HTR6: variants seen among roughly 807,000 people sequenced by gnomAD.
HTR6 encodes the protein 5-hydroxytryptamine receptor 6, also known as 5-hydroxytryptamine (serotonin) receptor 6, G protein-coupled.
HTR6 carries 15 observed loss-of-function variants against 17.4 expected under a neutral mutation model. That is an observed-to-expected ratio of 0.86 (90% CI 0.58 to 1.33). HTR6 has a LOEUF of 1.33. HTR6 is among the 40% of genes most tolerant of loss of function. The pLI, the probability that HTR6 is intolerant of heterozygous loss-of-function variation, is 0.00. For missense variants in HTR6, 578 were observed against 616.0 expected (o/e 0.94, Z 0.65); for synonymous variants, 326 against 295.5 (o/e 1.10, Z -1.06).
Position 19,666,355 on chromosome 1 carries a change from CG to C in HTR6, c.605del (p.Gly202ValfsTer12). On this transcript the variant is annotated frameshift_variant, in exon 1 of 3. Coordinates refer to ENST00000289753, the MANE Select transcript of HTR6 (RefSeq NM_000871.3). LOFTEE classifies it high-confidence loss of function. This position sits in a 1 kb window ranked among gnomAD's most constrained non-coding sequence, Gnocchi z 4.5. ...TCGGGCCTCACCTTCTTCCTGCCCT[CG>C]GGTGCCATATGCTTCACCTACTGCA... is the stretch of plus-strand genomic sequence containing the variant. The part of the protein sequence containing the change: ...VASGLTFFLP[S>X]GAICFTYCRI... 2.5e-6 allele frequency: 4 copies of C among 1,613,858 alleles called. No individual in the cohort carries two copies. The Admixed American group carries it at 6.7e-5, about 27-fold the overall frequency.
rs529213055 is a variant in HTR6 at position 19,666,443 on chromosome 1, C to T, written c.690C>T (p.Ala230=). The change falls in exon 1 of 3, where the codon GCC becomes GCT. Residue 230 remains alanine (A), a synonymous_variant. Coordinates refer to ENST00000289753, the MANE Select transcript of HTR6 (RefSeq NM_000871.3). The surrounding 1 kb of genome is among the most constrained non-coding windows in gnomAD (Gnocchi z 4.5). ...TGGCCTCCCTCACCACCGGCATGGC[C>T]AGTCAGGCCTCGGAGACGCTGCAGG... is the stretch of plus-strand genomic sequence containing the variant. The part of the protein sequence containing the change: ...VQVASLTTGM[A]SQASETLQVP... 8.1e-5 allele frequency: 130 copies of T among 1,611,080 alleles called. 1 individual carries two copies. The South Asian group carries it at 1.4e-3, about 17-fold the overall frequency.
chr1:19,669,247 G>C (rs2095085016), intron 1 of HTR6, among the ~76,000 whole-genome samples: 1 of 152,258 alleles, frequency 6.6e-6, no homozygotes, highest in South Asian at 2.1e-4. Flanking sequence ...TCGCTGGCTG[G>C]TACTAGGATT....
In HTR6 at chr1:19,673,654, C is replaced by T. The variant is rs755233194; in HGVS notation, c.715-4913C>T. 3.3e-5 allele frequency among the ~76,000 whole-genome samples: 5 copies of T among 152,100 alleles called. No homozygotes were observed. The South Asian group carries it at 6.2e-4, about 19-fold the overall frequency. ...CAGAGGTTGTGGTGAGCCGAGATCGCGCCATTGCACTCCAGCCTGGGCAAC... is the reference window on the plus strand; with the variant it reads ...CAGAGGTTGTGGTGAGCCGAGATCGTGCCATTGCACTCCAGCCTGGGCAAC... On this transcript the variant is annotated intron_variant, in intron 1 of 2. Transcript: ENST00000289753.
In HTR6 at chr1:19,671,373, C is replaced by T. The variant is rs144497213; in HGVS notation, c.714+4906C>T. Among the ~76,000 whole-genome samples the T allele has an allele frequency of 1.3e-3, 198 of 152,282 alleles. 1 individual carries two copies. The highest frequency in any genetic ancestry group is 4.6e-3 in the African/African-American group (192 of 41,554). On this transcript the variant is annotated intron_variant, in intron 1 of 2. Transcript: ENST00000289753. ...GGAAAGCCCATTCTCTTGGTTTGAA[C>T]GTGACGTGTGCAAATTCTGCCTCTG... is the stretch of plus-strand genomic sequence containing the variant.
chr1:19,671,998 G>T (rs1345836356), intron 1 of HTR6, among the ~76,000 whole-genome samples: 1 of 152,030 alleles, frequency 6.6e-6, no homozygotes, highest in Non-Finnish European at 1.5e-5. Context: ...TGGGAGCAGG[G>T]TGGAAGGTGG....
In HTR6 at chr1:19,666,106, G is replaced by A. The variant is rs757785519; in HGVS notation, c.353G>A (p.Cys118Tyr). The A allele has an allele frequency of 7.4e-6, 12 of 1,612,448 alleles. No individual in the cohort carries two copies. In the East Asian group the frequency reaches 2.2e-4, roughly 30 times the overall value. The change falls in exon 1 of 3, where the codon TGC becomes TAC. Residue 118 changes from cysteine to tyrosine, a missense_variant. Coordinates refer to ENST00000289753, the MANE Select transcript of HTR6 (RefSeq NM_000871.3). This position sits in a 1 kb window ranked among gnomAD's most constrained non-coding sequence, Gnocchi z 4.5. Reference sequence around the variant, plus strand: ...TGCAGCGCCTCCATCCTCAACCTCTGCCTCATCAGCCTGGACCGCTACCTG... The same window carrying A: ...TGCAGCGCCTCCATCCTCAACCTCTACCTCATCAGCCTGGACCGCTACCTG... ...MCCSASILNL[C>Y]LISLDRYLLI... is the part of the protein sequence containing the mutation.
chr1:19,677,706 T>C (rs2095096047), intron 1 of HTR6, among the ~76,000 whole-genome samples: 1 of 152,226 alleles, frequency 6.6e-6, no homozygotes, highest in African/African-American at 2.4e-5. Flanking sequence ...TAACAGGTCC[T>C]CTTTTTCAAG....
intron 1 of HTR6, among the ~76,000 whole-genome samples, chr1:19,678,020 G>A (rs4912142): frequency 0.55 from 83,153 of 152,104 alleles, 23,741 homozygotes; most frequent in Non-Finnish European, 0.64. Flanking sequence ...GATTACAGGC[G>A]TGAGCCACTG....
chr1:19,666,012 G>A lies in HTR6; in HGVS notation c.259G>A (p.Ala87Thr), dbSNP rs1258095366. The A allele has an allele frequency of 2.5e-6, 4 of 1,613,864 alleles. No individual in the cohort carries two copies. The highest frequency in any genetic ancestry group is 3.4e-6 in the Non-Finnish European group (4 of 1,179,906). ...GGTGATGCCGCCGGCCATGCTGAAC[G>A]CGCTGTACGGGCGCTGGGTGCTGGC... ...LVVMPPAMLN[A>T]LYGRWVLARG... The change falls in exon 1 of 3, where the codon GCG becomes ACG. Residue 87 changes from alanine (A) to threonine (T), a missense_variant. By Grantham distance (58) the Ala-to-Thr change is moderately conservative. Transcript: ENST00000289753. The surrounding 1 kb of genome is among the most constrained non-coding windows in gnomAD (Gnocchi z 4.5).
rs2095080150 is a variant in HTR6 at position 19,665,496 on chromosome 1, C to T, written c.-258C>T. Reference sequence around the variant, plus strand: ...CATCGGGTGCCCCTCCCCAAACTTCCAACCCGTTTGCTCCAGGAGTTCCTG... The same window carrying T: ...CATCGGGTGCCCCTCCCCAAACTTCTAACCCGTTTGCTCCAGGAGTTCCTG... On this transcript the variant is annotated 5_prime_UTR_variant, in exon 1 of 3. Coordinates refer to ENST00000289753, the MANE Select transcript of HTR6 (RefSeq NM_000871.3). The surrounding 1 kb of genome is among the most constrained non-coding windows in gnomAD (Gnocchi z 4.2). 2 of 409,474 alleles carry T rather than the reference C, an allele frequency of 4.9e-6. No individual in the cohort carries two copies. 25.4% of individuals were successfully genotyped at this position (409,474 alleles called of 1,614,324 possible).
At chr1:19,667,669 T>C (rs2095083306) in intron 1 of HTR6, among the ~76,000 whole-genome samples, 1 of 152,178 alleles carries the variant, frequency 6.6e-6, no homozygotes, top group South Asian at 2.1e-4. Flanking sequence ...TGATCCCCAC[T>C]GTGCATAGTA....
Position 19,680,509 on chromosome 1 carries a change from G to C in HTR6, c.*1141G>C, listed in dbSNP as rs1162087568. On this transcript the variant is annotated 3_prime_UTR_variant, in exon 3 of 3. Coordinates refer to ENST00000289753, the MANE Select transcript of HTR6 (RefSeq NM_000871.3). The stretch of plus-strand genomic sequence containing the variant: ...CAGAACTGGTTTTCCTCAATCCTGG[G>C]GGGTCCTTGGACCTAGAAGGGAACA... 6.6e-6 allele frequency among the ~76,000 whole-genome samples: 1 copy of C among 152,214 alleles called. No homozygotes were observed. The highest frequency in any genetic ancestry group is 2.4e-5 in the African/African-American group (1 of 41,454).
intron 1 of HTR6, among the ~76,000 whole-genome samples, chr1:19,675,965 C>T (rs1168361351): frequency 6.6e-6 from 1 of 152,098 alleles, no homozygotes; most frequent in Non-Finnish European, 1.5e-5. Context: ...GGAGCAGACT[C>T]GTGTATGATG....
chr1:19,670,639 A>G (rs978730665), intron 1 of HTR6, among the ~76,000 whole-genome samples: 6 of 151,610 alleles, frequency 4.0e-5, no homozygotes, highest in Admixed American at 3.3e-4. Flanking sequence ...AATTTTTTGT[A>G]TTTTAGTAGA....
In HTR6 at chr1:19,666,259, T is replaced by G. The variant is rs1192808349; in HGVS notation, c.506T>G (p.Leu169Arg). 1.2e-6 allele frequency: 2 copies of G among 1,609,802 alleles called. No individual in the cohort carries two copies. Among genetic ancestry groups the G allele is most frequent in the Non-Finnish European group, 1.7e-6 (2 of 1,179,558 alleles). Reference protein sequence around the residue: ...FLPLLLGWHELGHARPPVPGQ... With the variant: ...FLPLLLGWHERGHARPPVPGQ... ...CCCCTGCTGCTGGGCTGGCACGAGC[T>G]GGGCCACGCACGGCCACCCGTCCCT... The change falls in exon 1 of 3, where the codon CTG becomes CGG. Residue 169 changes from leucine to arginine, a missense_variant. Leu to Arg is a moderately radical substitution (Grantham distance 102). Coordinates refer to ENST00000289753, the MANE Select transcript of HTR6 (RefSeq NM_000871.3). This position sits in a 1 kb window ranked among gnomAD's most constrained non-coding sequence, Gnocchi z 4.5.
intron 1 of HTR6, among the ~76,000 whole-genome samples, chr1:19,677,156 G>A (rs2095095408): frequency 6.6e-6 from 1 of 151,916 alleles, no homozygotes; most frequent in South Asian, 2.1e-4. Context: ...GTGAAACGTT[G>A]TTTTCTTGTC....
chr1:19,679,019 G>A lies in HTR6; in HGVS notation c.974G>A (p.Arg325Gln), dbSNP rs779462275. ...MNPIIYPLFM[R>Q]DFKRALGRFL... is the part of the protein sequence containing the mutation. ...CCCATCATCTACCCACTCTTCATGCGGGACTTCAAGCGGGCGCTGGGCAGG... is the reference window on the plus strand; with the variant it reads ...CCCATCATCTACCCACTCTTCATGCAGGACTTCAAGCGGGCGCTGGGCAGG... Residue 325 changes from arginine to glutamine, a missense_variant, in exon 3 of 3, where the codon CGG becomes CAG. Transcript: ENST00000289753. This position sits in a 1 kb window ranked among gnomAD's most constrained non-coding sequence, Gnocchi z 4.9. 3.7e-5 allele frequency: 60 copies of A among 1,614,036 alleles called. No individual in the cohort carries two copies. The highest frequency in any genetic ancestry group is 4.9e-5 in the Non-Finnish European group (58 of 1,180,018).
chr1:19,673,894 T>C (rs2095091242), intron 1 of HTR6, among the ~76,000 whole-genome samples: 1 of 144,498 alleles, frequency 6.9e-6, no homozygotes, highest in Non-Finnish European at 1.5e-5. Flanking sequence ...TAGGACAGAG[T>C]GTCACTCTGT....
intron 1 of HTR6, among the ~76,000 whole-genome samples, chr1:19,668,850 A>C (rs2095084649): frequency 6.6e-6 from 1 of 152,230 alleles, no homozygotes; most frequent in Non-Finnish European, 1.5e-5. Flanking sequence ...CACAAACACC[A>C]CTTCAGTGAA....
Sources: gnomAD v4.1 joint callset for allele counts (sites outside exome capture counted in the v4.1 genomes callset) on GRCh38, gnomAD v4.1.1 for gene constraint, Gnocchi (gnomAD v3.1) non-coding constraint, MANE v1.5 for transcripts, NCBI Gene and HGNC (gene_info 2026-07-23, HGNC 2026-07-21) for gene names.